Variants in CACNA1D observed in about 807,000 individuals in gnomAD.
The protein encoded by CACNA1D is voltage-dependent L-type calcium channel subunit alpha-1D.
In CACNA1D, 55 loss-of-function variants were observed where a neutral mutation model predicts 257.1. That is an observed-to-expected ratio of 0.21 (90% CI 0.17 to 0.27). The LOEUF is 0.27. Among genes scored for constraint, CACNA1D ranks in the 10% least tolerant of loss-of-function variants. CACNA1D has a pLI of 1.00. For synonymous variants in CACNA1D, 980 were observed against 1,014.9 expected (o/e 0.97, Z 0.65); for missense variants, 1,876 against 2,784.0 (o/e 0.67, Z 7.34).
rs544779937 is a variant in CACNA1D at position 53,643,809 on chromosome 3, A to G, written c.484-6970A>G. 7.9e-5 allele frequency among the ~76,000 whole-genome samples: 12 copies of G among 152,264 alleles called. No homozygotes were observed. The South Asian group carries it at 2.3e-3, about 29-fold the overall frequency. ...TGTCCTCATACCTTGTGCTTCAGCC[A>G]TGTGGACTGCTCTTCGCCCTGAACA... On this transcript the variant is annotated intron_variant, in intron 3 of 47. Coordinates refer to ENST00000350061, the MANE Select transcript of CACNA1D (RefSeq NM_001128840.3).
chr3:53,543,557 A>C (rs901641095), intron 3 of CACNA1D, among the ~76,000 whole-genome samples: 2 of 152,214 alleles, frequency 1.3e-5, no homozygotes, highest in Non-Finnish European at 2.9e-5. Context: ...GCTGAGACAA[A>C]CATGAAGAAT....
intron 3 of CACNA1D, among the ~76,000 whole-genome samples, chr3:53,644,560 A>G (rs183723179): frequency 1.7e-4 from 26 of 152,316 alleles, no homozygotes; most frequent in African/African-American, 6.0e-4. Flanking sequence ...TATAAGTGAG[A>G]TCATGCAGTA....
intron 9 of CACNA1D, 89 bp from the exon 10 acceptor site, chr3:53,718,212 C>A: frequency 8.9e-7 from 1 of 1,125,222 alleles, no homozygotes; most frequent in Non-Finnish European, 1.4e-6. Context: ...TTCCGGAGGT[C>A]TGCCTGGTGG....
At chr3:53,700,474 T>A (rs1313105413) in intron 8 of CACNA1D, among the ~76,000 whole-genome samples, 1 of 152,244 alleles carries the variant, frequency 6.6e-6, no homozygotes, top group Non-Finnish European at 1.5e-5. Context: ...GATTGAGTTG[T>A]GATTTTTTCA....
chr3:53,651,366 CTTTTTTTTT>C (rs779207160), intron 4 of CACNA1D, among the ~76,000 whole-genome samples: 4 of 81,836 alleles, frequency 4.9e-5, no homozygotes, highest in African/African-American at 1.8e-4. Flanking sequence ...TATTAATTTT[CTTTTTTTTT>C]TTTTTTTTTT....
chr3:53,807,141 C>T (rs2095570583), intron 45 of CACNA1D, among the ~76,000 whole-genome samples: 1 of 151,682 alleles, frequency 6.6e-6, no homozygotes, highest in Non-Finnish European at 1.5e-5. Flanking sequence ...GTGCAGAGCA[C>T]ATGAGATGGT....
At chr3:53,680,024 T>A (rs1459799516) in intron 8 of CACNA1D, among the ~76,000 whole-genome samples, 1 of 152,230 alleles carries the variant, frequency 6.6e-6, no homozygotes. Context: ...GTTGCAGAGT[T>A]AACAGCTGTT....
chr3:53,796,425 C>A (rs886117600), intron 40 of CACNA1D: 34 of 455,724 alleles, frequency 7.5e-5, no homozygotes, highest in African/African-American at 6.4e-4. Context: ...GGGCTCTGGG[C>A]ACTTGTGCAT....
At chr3:53,648,829 AACACACACACACACAC>A (rs148968944) in intron 3 of CACNA1D, among the ~76,000 whole-genome samples, 5 of 146,858 alleles carry the variant, frequency 3.4e-5, no homozygotes, top group African/African-American at 1.2e-4. Flanking sequence ...TAACTCTCAA[AACACACACACACACAC>A]ACACACACAC....
At chr3:53,656,706 A>G (rs954694029) in intron 4 of CACNA1D, among the ~76,000 whole-genome samples, 24 of 152,226 alleles carry the variant, frequency 1.6e-4, no homozygotes, top group African/African-American at 4.1e-4. Flanking sequence ...AACTCTTACA[A>G]CCCAATAGTA....
intron 40 of CACNA1D, chr3:53,799,870 C>T: frequency 6.2e-6 from 2 of 323,270 alleles, no homozygotes. Flanking sequence ...TGCTCCTTGC[C>T]CTGCTCTGGG....
intron 4 of CACNA1D, among the ~76,000 whole-genome samples, chr3:53,658,055 C>G (rs985035833): frequency 1.3e-5 from 2 of 152,254 alleles, no homozygotes; most frequent in African/African-American, 4.8e-5. Context: ...TGTGACTCCT[C>G]ATTCTGGTGC....
intron 8 of CACNA1D, among the ~76,000 whole-genome samples, chr3:53,701,699 T>A (rs774118661): frequency 2.6e-5 from 4 of 152,218 alleles, no homozygotes; most frequent in Non-Finnish European, 5.9e-5. Flanking sequence ...CAACTCACGG[T>A]TGGAGATGCA....
chr3:53,676,961 T>C (rs904156964), intron 8 of CACNA1D, among the ~76,000 whole-genome samples: 1 of 152,230 alleles, frequency 6.6e-6, no homozygotes, highest in Non-Finnish European at 1.5e-5. Context: ...TCATTGAGGA[T>C]ATGCTCCCAT....
intron 3 of CACNA1D, among the ~76,000 whole-genome samples, chr3:53,580,483 A>T (rs2093114354): frequency 6.6e-6 from 1 of 152,254 alleles, no homozygotes; most frequent in Non-Finnish European, 1.5e-5. Context: ...CCTTGTGCAC[A>T]GTAGGTGCTT....
Position 53,760,494 on chromosome 3 carries a change from C to T in CACNA1D, c.3787-1504C>T, listed in dbSNP as rs528361156. Among the ~76,000 whole-genome samples the T allele has an allele frequency of 7.9e-5, 12 of 152,292 alleles. No homozygotes were observed. The South Asian group carries it at 1.7e-3, about 21-fold the overall frequency. ...TACCTGAATTTTCATTTCCAAAAAG[C>T]GTCCAGACTCTTTGGAAAAACACAG... On this transcript the variant is annotated intron_variant, in intron 29 of 47. Coordinates refer to ENST00000350061, the MANE Select transcript of CACNA1D (RefSeq NM_001128840.3).
intron 8 of CACNA1D, among the ~76,000 whole-genome samples, chr3:53,685,638 G>T (rs1323521147): frequency 1.3e-5 from 2 of 152,068 alleles, no homozygotes; most frequent in African/African-American, 4.8e-5. Context: ...AATGGCAGTA[G>T]ATTTAAAACA....
intron 3 of CACNA1D, among the ~76,000 whole-genome samples, chr3:53,513,838 A>G (rs1190973173): frequency 6.6e-6 from 1 of 152,156 alleles, no homozygotes. Flanking sequence ...TTGTATATTT[A>G]GATACAACTG....
intron 9 of CACNA1D, among the ~76,000 whole-genome samples, chr3:53,706,685 G>A (rs188554045): frequency 9.2e-5 from 14 of 152,180 alleles, no homozygotes; most frequent in Admixed American, 7.9e-4. Context: ...ATTACATAGC[G>A]GTGAAGTCTG....
Sources: gnomAD v4.1 joint callset for allele counts (sites outside exome capture counted in the v4.1 genomes callset) on GRCh38, gnomAD v4.1.1 for gene constraint, MANE v1.5 for transcripts, NCBI Gene and HGNC (gene_info 2026-07-23, HGNC 2026-07-21) for gene names.